AKT3: variants seen among roughly 807,000 people sequenced by gnomAD.
AKT3 encodes the protein RAC-gamma serine/threonine-protein kinase.
In AKT3, 15 loss-of-function variants were observed where a neutral mutation model predicts 65.3. That is an observed-to-expected ratio of 0.23 (90% CI 0.15 to 0.35). AKT3 has a LOEUF of 0.35. Ranked by LOEUF, AKT3 falls within the 10% of genes least tolerant of loss-of-function variation. The pLI is 1.00. For synonymous variants in AKT3, 206 were observed against 183.8 expected (o/e 1.12, Z -0.98); for missense variants, 243 against 576.5 (o/e 0.42, Z 5.92).
At chr1:243,792,055 G>A (rs1219776453) in intron 2 of AKT3, among the ~76,000 whole-genome samples, 1 of 152,120 alleles carries the variant, frequency 6.6e-6, no homozygotes, top group African/African-American at 2.4e-5. Context: ...AAAAACATTT[G>A]ATCTAGGGGT....
intron 2 of AKT3, among the ~76,000 whole-genome samples, chr1:243,832,754 GA>G (rs1313793645): frequency 6.6e-6 from 1 of 152,208 alleles, no homozygotes; most frequent in Non-Finnish European, 1.5e-5. Context: ...GCTGGAAAGT[GA>G]GAGGGAGATC....
At chr1:243,723,870 T>C (rs1031404430) in intron 2 of AKT3, among the ~76,000 whole-genome samples, 9 of 152,114 alleles carry the variant, frequency 5.9e-5, no homozygotes, top group Admixed American at 1.3e-4. Flanking sequence ...CAGTGAGCCA[T>C]AATGCACCAG....
chr1:243,850,662 G>A (rs561310736), upstream of AKT3, among the ~76,000 whole-genome samples: 12 of 151,452 alleles, frequency 7.9e-5, no homozygotes, highest in South Asian at 2.1e-4. Context: ...GGCTCTCGGC[G>A]ACTGGCGGGA....
chr1:243,798,112 G>C (rs1247808892), intron 2 of AKT3, among the ~76,000 whole-genome samples: 2 of 150,590 alleles, frequency 1.3e-5, no homozygotes, highest in Admixed American at 1.3e-4. Flanking sequence ...TCGATCTCCT[G>C]ACCTCGTGAT....
At chr1:243,623,124 G>T (rs538101908) in intron 6 of AKT3, among the ~76,000 whole-genome samples, 3 of 152,238 alleles carry the variant, frequency 2.0e-5, no homozygotes, top group African/African-American at 7.2e-5. Context: ...GGGCCACATG[G>T]TACCAGTTTG....
rs1005581755 is a variant in AKT3 at position 243,673,968 on chromosome 1, C to T, written c.173-9085G>A. On this transcript the variant is annotated intron_variant, in intron 3 of 13. Transcript: ENST00000673466. ...ACATGATGAAACTGGGATTTGATAA[C>T]AAAATTTTTAAACAATTCAACAAGA... 6.4e-4 allele frequency among the ~76,000 whole-genome samples: 98 copies of T among 152,138 alleles called. 1 individual carries two copies. The highest frequency in any genetic ancestry group is 2.2e-3 in the African/African-American group (92 of 41,530).
At chr1:243,663,421 A>G (rs1289368995) in intron 4 of AKT3, among the ~76,000 whole-genome samples, 1 of 139,868 alleles carries the variant, frequency 7.1e-6, no homozygotes, top group Non-Finnish European at 1.5e-5. Flanking sequence ...GAAAAGGCCC[A>G]GGATCAATGG....
chr1:243,849,184 C>T (rs576403100), intron 1 of AKT3, among the ~76,000 whole-genome samples: 13 of 152,266 alleles, frequency 8.5e-5, no homozygotes, highest in Non-Finnish European at 7.4e-5. Flanking sequence ...ACCGATGCGC[C>T]GGAGGAGGTG....
intron 2 of AKT3, among the ~76,000 whole-genome samples, chr1:243,784,528 TA>T (rs964229158): frequency 1.3e-5 from 2 of 152,188 alleles, no homozygotes; most frequent in Non-Finnish European, 2.9e-5. Context: ...TACAAATTTT[TA>T]GAAACTGCCA....
intron 9 of AKT3, among the ~76,000 whole-genome samples, chr1:243,567,535 C>T (rs1264735035): frequency 1.4e-5 from 2 of 146,930 alleles, no homozygotes; most frequent in Non-Finnish European, 3.0e-5. Flanking sequence ...TGCCATGTTG[C>T]CCAGGCTGGT....
At chr1:243,727,744 T>A (rs567873446) in intron 2 of AKT3, among the ~76,000 whole-genome samples, 31 of 151,952 alleles carry the variant, frequency 2.0e-4, no homozygotes, top group African/African-American at 7.2e-4. Flanking sequence ...GGAACCTCCA[T>A]CCTTATAGTT....
At chr1:243,835,870 ATAACAT>A (rs1359709993) in intron 2 of AKT3, among the ~76,000 whole-genome samples, 1 of 152,156 alleles carries the variant, frequency 6.6e-6, no homozygotes, top group East Asian at 1.9e-4. Context: ...CACACCAACA[ATAACAT>A]TAACTATAAA....
At chr1:243,775,276 G>A (rs184037883) in intron 2 of AKT3, among the ~76,000 whole-genome samples, 1 of 152,142 alleles carries the variant, frequency 6.6e-6, no homozygotes, top group Admixed American at 6.5e-5. Flanking sequence ...TGCCTCCTGG[G>A]TTCACACCAT....
At chr1:243,747,662 G>A (rs888752099) in intron 2 of AKT3, among the ~76,000 whole-genome samples, 17 of 152,138 alleles carry the variant, frequency 1.1e-4, no homozygotes, top group Admixed American at 9.2e-4. Context: ...CTAACAACAT[G>A]CTTAGTAAAT....
chr1:243,820,982 T>G (rs1693824041), intron 2 of AKT3, among the ~76,000 whole-genome samples: 1 of 151,958 alleles, frequency 6.6e-6, no homozygotes, highest in Non-Finnish European at 1.5e-5. Context: ...CACATAATCA[T>G]CAGATTCTCC....
intron 2 of AKT3, among the ~76,000 whole-genome samples, chr1:243,772,196 A>T (rs1690228841): frequency 6.6e-6 from 1 of 152,170 alleles, no homozygotes; most frequent in South Asian, 2.1e-4. Context: ...AATGGGATCT[A>T]ATTAAACTAA....
chr1:243,535,848 T>C (rs1485295436), intron 12 of AKT3, among the ~76,000 whole-genome samples: 5 of 152,228 alleles, frequency 3.3e-5, no homozygotes, highest in African/African-American at 1.2e-4. Context: ...CAACAGCATG[T>C]AAGCATTCCC....
chr1:243,497,340 G>GT (rs1668209407), downstream of AKT3, among the ~76,000 whole-genome samples: 1 of 141,238 alleles, frequency 7.1e-6, no homozygotes, highest in Admixed American at 7.1e-5. Context: ...GCACGGGTGG[G>GT]GGGGGGGGCG....
downstream of AKT3, among the ~76,000 whole-genome samples, chr1:243,497,333 C>G (rs1190163674): frequency 4.2e-4 from 2 of 4,796 alleles, no homozygotes; most frequent in African/African-American, 2.2e-3. Flanking sequence ...GCTGTAGGCA[C>G]GGGTGGGGGG....
Sources: gnomAD v4.1 joint callset for allele counts (sites outside exome capture counted in the v4.1 genomes callset) on GRCh38, gnomAD v4.1.1 for gene constraint, MANE v1.5 for transcripts, NCBI Gene and HGNC (gene_info 2026-07-23, HGNC 2026-07-21) for gene names.